The following TBC1D5 variants were observed in gnomAD, a reference collection of about 807,000 sequenced individuals.
TBC1D5 encodes TBC1 domain family member 5.
TBC1D5 carries 75 observed loss-of-function variants against 100.3 expected under a neutral mutation model. The ratio of observed to expected loss-of-function variants is 0.75; its 90% CI spans 0.62 to 0.91. TBC1D5 has a LOEUF of 0.91. Among genes scored for constraint, TBC1D5 ranks in the 40% least tolerant of loss-of-function variants. The probability of loss-of-function intolerance (pLI) is 0.00; values close to 1 mark genes in which losing one functional copy is unlikely to be tolerated. For missense variants in TBC1D5, 910 were observed against 942.4 expected (o/e 0.97, Z 0.45); for synonymous variants, 323 against 325.6 (o/e 0.99, Z 0.09).
chr3:17,666,979 A>G (rs1293709602), intron 1 of TBC1D5, among the ~76,000 whole-genome samples: 1 of 152,162 alleles, frequency 6.6e-6, no homozygotes, highest in Non-Finnish European at 1.5e-5. Context: ...CTCAACAGTT[A>G]GTGAATGTTA....
intron 16 of TBC1D5, among the ~76,000 whole-genome samples, chr3:17,239,256 T>C (rs2076117723): frequency 6.6e-6 from 1 of 152,180 alleles, no homozygotes; most frequent in Admixed American, 6.5e-5. Context: ...TCTTTTCACC[T>C]GCCACAATGG....
chr3:17,523,279 T>C (rs1198147955), intron 2 of TBC1D5, among the ~76,000 whole-genome samples: 1 of 152,142 alleles, frequency 6.6e-6, no homozygotes, highest in Non-Finnish European at 1.5e-5. Flanking sequence ...TTTCTCACTA[T>C]GTACAATGGC....
intron 16 of TBC1D5, among the ~76,000 whole-genome samples, chr3:17,247,374 T>C (rs1257852447): frequency 6.6e-6 from 1 of 152,222 alleles, no homozygotes; most frequent in Non-Finnish European, 1.5e-5. Flanking sequence ...ATATAAAAGT[T>C]CTGTTTACAT....
chr3:17,656,869 C>A (rs1458519348), intron 1 of TBC1D5, among the ~76,000 whole-genome samples: 1 of 152,002 alleles, frequency 6.6e-6, no homozygotes, highest in African/African-American at 2.4e-5. Context: ...TGGAATAGTT[C>A]AAGCACCTAG....
At chr3:17,162,181 C>G (rs1035423378) in intron 21 of TBC1D5, among the ~76,000 whole-genome samples, 1 of 152,194 alleles carries the variant, frequency 6.6e-6, no homozygotes, top group African/African-American at 2.4e-5. Context: ...GCCTCCCTCA[C>G]CCTGTCTGCC....
chr3:17,297,623 C>G (rs1295500336), intron 14 of TBC1D5, among the ~76,000 whole-genome samples: 7 of 151,936 alleles, frequency 4.6e-5, no homozygotes, highest in Admixed American at 4.6e-4. Context: ...TTCTTGTCAA[C>G]CCAGGCTATA....
chr3:17,178,268 T>C (rs1414893399), intron 19 of TBC1D5, among the ~76,000 whole-genome samples: 2 of 152,060 alleles, frequency 1.3e-5, no homozygotes, highest in Non-Finnish European at 2.9e-5. Flanking sequence ...GGTTTCACCA[T>C]GTTAGCCAGG....
intron 15 of TBC1D5, among the ~76,000 whole-genome samples, chr3:17,264,356 A>G (rs1013141108): frequency 7.2e-5 from 11 of 152,190 alleles, no homozygotes; most frequent in Admixed American, 6.5e-4. Flanking sequence ...CCAAGGTGGT[A>G]TCTCCATTTG....
At chr3:17,478,582 T>G (rs1194711160) in intron 3 of TBC1D5, among the ~76,000 whole-genome samples, 1 of 152,228 alleles carries the variant, frequency 6.6e-6, no homozygotes, top group Non-Finnish European at 1.5e-5. Context: ...GAATTTTTGC[T>G]TAAAATTATT....
chr3:17,457,687 T>A (rs1227240233), intron 3 of TBC1D5, among the ~76,000 whole-genome samples: 2 of 152,172 alleles, frequency 1.3e-5, no homozygotes, highest in East Asian at 1.9e-4. Context: ...AATTGCTTTA[T>A]CTATTTTGAG....
chr3:17,634,817 A>C (rs938619566), intron 1 of TBC1D5, among the ~76,000 whole-genome samples: 1 of 152,190 alleles, frequency 6.6e-6, no homozygotes, highest in Admixed American at 6.5e-5. Context: ...TTCCATGCCT[A>C]TATCAAAATA....
intron 15 of TBC1D5, among the ~76,000 whole-genome samples, chr3:17,259,451 C>A (rs1291090627): frequency 6.6e-6 from 1 of 151,984 alleles, no homozygotes. Context: ...TAAATGAATA[C>A]CATAATCTCT....
chr3:17,220,422 C>A (rs1228931245), intron 17 of TBC1D5, among the ~76,000 whole-genome samples: 1 of 152,092 alleles, frequency 6.6e-6, no homozygotes, highest in Non-Finnish European at 1.5e-5. Context: ...TATCTTTTAA[C>A]ATATTTTTAC....
chr3:17,437,111 G>C (rs1408321018), intron 3 of TBC1D5, among the ~76,000 whole-genome samples: 2 of 152,174 alleles, frequency 1.3e-5, no homozygotes, highest in African/African-American at 4.8e-5. Flanking sequence ...ATCTCTTGCT[G>C]TCTCTCACAT....
In TBC1D5 at chr3:17,374,663, C is replaced by G. The variant is rs778461522; in HGVS notation, c.718G>C (p.Val240Leu). 6 of 1,610,498 alleles carry G rather than the reference C, an allele frequency of 3.7e-6. No homozygotes were observed. The highest frequency in any genetic ancestry group is 3.3e-5 in the South Asian group (3 of 90,694). The change falls in exon 11 of 22, where the codon GTC becomes CTC. Residue 240 changes from valine to leucine, a missense_variant. Val to Leu is a conservative substitution (Grantham distance 32). Transcript: ENST00000253692. ...TGTTCCAGATACTCAGGGTTCAAGA[C>G]AGTTTTCATTTCCTCACTTAAAAAA...
At chr3:17,416,875 A>G (rs1351000964) in intron 4 of TBC1D5, among the ~76,000 whole-genome samples, 1 of 152,180 alleles carries the variant, frequency 6.6e-6, no homozygotes, top group Non-Finnish European at 1.5e-5. Flanking sequence ...ACTAGACCCA[A>G]GATTTGGATC....
At chr3:17,295,212 T>C (rs1468679720) in intron 14 of TBC1D5, among the ~76,000 whole-genome samples, 1 of 152,140 alleles carries the variant, frequency 6.6e-6, no homozygotes, top group Non-Finnish European at 1.5e-5. Flanking sequence ...AGATAATGGA[T>C]TTGGAATGAG....
intron 15 of TBC1D5, among the ~76,000 whole-genome samples, chr3:17,262,665 T>C (rs1349433933): frequency 6.6e-6 from 1 of 151,822 alleles, no homozygotes; most frequent in Non-Finnish European, 1.5e-5. Flanking sequence ...GTATTTTTAG[T>C]AGAGATGAGG....
chr3:17,255,304 G>A (rs1238629272), intron 16 of TBC1D5, among the ~76,000 whole-genome samples: 2 of 152,052 alleles, frequency 1.3e-5, no homozygotes, highest in African/African-American at 4.8e-5. Context: ...GGGTTCCAGC[G>A]TTTCTACTGC....
Sources: gnomAD v4.1 joint callset for allele counts (sites outside exome capture counted in the v4.1 genomes callset) on GRCh38, gnomAD v4.1.1 for gene constraint, MANE v1.5 for transcripts, NCBI Gene and HGNC (gene_info 2026-07-23, HGNC 2026-07-21) for gene names.